KCNH7: variants seen among roughly 807,000 people sequenced by gnomAD.
KCNH7 encodes potassium voltage-gated channel subfamily H member 7.
In KCNH7, 49 loss-of-function variants were observed where a neutral mutation model predicts 120.8. The ratio of observed to expected loss-of-function variants is 0.41; its 90% CI spans 0.32 to 0.51. The LOEUF is 0.51. Among genes scored for constraint, KCNH7 ranks in the 20% least tolerant of loss-of-function variants. KCNH7 has a pLI of 0.38. For missense variants in KCNH7, 1,097 were observed against 1,446.6 expected (o/e 0.76, Z 3.92); for synonymous variants, 547 against 516.1 (o/e 1.06, Z -0.81).
At chr2:162,756,844 T>G (rs918344355) in intron 2 of KCNH7, among the ~76,000 whole-genome samples, 1 of 152,180 alleles carries the variant, frequency 6.6e-6, no homozygotes, top group Non-Finnish European at 1.5e-5. Flanking sequence ...AGGGTGTTTC[T>G]AAAGTGAGAT....
At position 162,633,855 on chromosome 2, in the gene KCNH7, G is replaced by A. The variant is rs192355459; in HGVS notation, c.308-96775C>T. 3.0e-3 allele frequency among the ~76,000 whole-genome samples: 461 copies of A among 151,776 alleles called. 1 individual carries two copies. Among genetic ancestry groups the A allele is most frequent in the African/African-American group, 0.011 (440 of 41,426 alleles). On this transcript the variant is annotated intron_variant, in intron 2 of 15. Coordinates refer to ENST00000332142, the MANE Select transcript of KCNH7 (RefSeq NM_033272.4). Reference sequence around the variant, plus strand: ...AAAAATTTCCTAGAAATTCTCCACAGGCCATTCAAAATAATTACCCTTCTC... The same window carrying A: ...AAAAATTTCCTAGAAATTCTCCACAAGCCATTCAAAATAATTACCCTTCTC...
intron 14 of KCNH7, 32 bp from the exon 15 acceptor site, chr2:162,373,694 T>C (rs1388672760): frequency 1.5e-6 from 2 of 1,365,648 alleles, no homozygotes; most frequent in Admixed American, 6.0e-5. Flanking sequence ...GAAAAGACAG[T>C]CTAAAATAGT....
chr2:162,425,968 C>T (rs1238321647), intron 8 of KCNH7, among the ~76,000 whole-genome samples: 1 of 152,020 alleles, frequency 6.6e-6, no homozygotes, highest in Non-Finnish European at 1.5e-5. Context: ...AATCCCAGCA[C>T]TTTGGGAGGC....
intron 10 of KCNH7, among the ~76,000 whole-genome samples, chr2:162,399,979 A>G (rs1687025406): frequency 6.6e-6 from 1 of 151,956 alleles, no homozygotes. Context: ...AAGCATTTAC[A>G]CTTCGGAGAA....
At chr2:162,479,570 A>G (rs1452985463) in intron 6 of KCNH7, among the ~76,000 whole-genome samples, 1 of 152,102 alleles carries the variant, frequency 6.6e-6, no homozygotes, top group African/African-American at 2.4e-5. Context: ...TGAAATTTAT[A>G]TGCATACTCA....
chr2:162,756,906 T>A (rs1688806303), intron 2 of KCNH7, among the ~76,000 whole-genome samples: 1 of 152,180 alleles, frequency 6.6e-6, no homozygotes, highest in African/African-American at 2.4e-5. Flanking sequence ...ATCCTTTAGC[T>A]AAATAATCAC....
chr2:162,753,103 AAAATCAAGAGGAAACCCT>A (rs1274722071), intron 2 of KCNH7, among the ~76,000 whole-genome samples: 2 of 151,460 alleles, frequency 1.3e-5, no homozygotes, highest in Non-Finnish European at 2.9e-5. Context: ...AAATAATTTA[AAAATCAAGAGGAAACCCT>A]AAATTTTAAA....
At chr2:162,692,978 A>C (rs1381783778) in intron 2 of KCNH7, among the ~76,000 whole-genome samples, 2 of 152,288 alleles carry the variant, frequency 1.3e-5, no homozygotes, top group East Asian at 3.9e-4. Context: ...GGAAAACTGC[A>C]TGGTCATTTA....
intron 12 of KCNH7, among the ~76,000 whole-genome samples, chr2:162,387,639 G>A (rs1686613687): frequency 6.6e-6 from 1 of 151,624 alleles, no homozygotes; most frequent in African/African-American, 2.4e-5. Context: ...TTCAGAAGAT[G>A]AAAAACTTTT....
At position 162,372,338 on chromosome 2, in the gene KCNH7, A is replaced by G. The variant is rs567243689; in HGVS notation, c.3325-243T>C. Among the ~76,000 whole-genome samples, 15 of 152,236 alleles carry G rather than the reference A, an allele frequency of 9.9e-5. No homozygotes were observed. The South Asian group carries it at 3.1e-3, about 32-fold the overall frequency. The stretch of plus-strand genomic sequence containing the variant: ...CCTGGAACCAGATTTTAAAAATCAG[A>G]TTTAAAAAAATATATATTATTTTAC... On this transcript the variant is annotated intron_variant, in intron 15 of 15. Transcript: ENST00000332142.
chr2:162,553,472 AC>A (rs1165467817), intron 2 of KCNH7, among the ~76,000 whole-genome samples: 3 of 152,042 alleles, frequency 2.0e-5, no homozygotes, highest in Non-Finnish European at 4.4e-5. Flanking sequence ...ACATGGTGAA[AC>A]CCCGTCTCTA....
At chr2:162,490,584 T>C (rs1050560585) in intron 6 of KCNH7, among the ~76,000 whole-genome samples, 4 of 152,088 alleles carry the variant, frequency 2.6e-5, no homozygotes, top group South Asian at 4.1e-4. Context: ...TTCTGAGACT[T>C]CTAGTCCTCA....
At chr2:162,703,617 TATAAG>T (rs1388928693) in intron 2 of KCNH7, among the ~76,000 whole-genome samples, 1 of 152,202 alleles carries the variant, frequency 6.6e-6, no homozygotes, top group Non-Finnish European at 1.5e-5. Flanking sequence ...TTAAACATTG[TATAAG>T]ATGTCTACTT....
At chr2:162,553,090 AT>A (rs1036294604) in intron 2 of KCNH7, among the ~76,000 whole-genome samples, 2 of 152,190 alleles carry the variant, frequency 1.3e-5, no homozygotes, top group African/African-American at 4.8e-5. Flanking sequence ...CTTATCTGAC[AT>A]TTTACAAAAG....
intron 6 of KCNH7, among the ~76,000 whole-genome samples, chr2:162,450,444 G>A (rs542316065): frequency 3.9e-5 from 6 of 152,054 alleles, no homozygotes; most frequent in South Asian, 2.1e-4. Context: ...TTATGTGACC[G>A]TTTAATTGTC....
intron 14 of KCNH7, among the ~76,000 whole-genome samples, chr2:162,376,113 G>T (rs1186411406): frequency 1.3e-5 from 2 of 151,970 alleles, no homozygotes; most frequent in East Asian, 3.9e-4. Context: ...AATGTAGCAG[G>T]CACAATGTTA....
chr2:162,419,157 A>G (rs928272952), intron 9 of KCNH7, among the ~76,000 whole-genome samples: 6 of 151,614 alleles, frequency 4.0e-5, no homozygotes, highest in African/African-American at 1.5e-4. Context: ...CCTGTCTTTA[A>G]GAAAAACTTA....
chr2:162,832,049 G>C (rs1685496255), intron 2 of KCNH7, among the ~76,000 whole-genome samples: 1 of 152,098 alleles, frequency 6.6e-6, no homozygotes, highest in Admixed American at 6.6e-5. Context: ...AACATTCAAA[G>C]TCCATGAGAT....
At chr2:162,591,873 C>CT (rs1276573833) in intron 2 of KCNH7, among the ~76,000 whole-genome samples, 1 of 152,072 alleles carries the variant, frequency 6.6e-6, no homozygotes. Context: ...ACTTCCTTTT[C>CT]TTCCTCTCGG....
Sources: allele counts gnomAD v4.1 joint callset (sites outside exome capture counted in the v4.1 genomes callset), GRCh38; gene constraint gnomAD v4.1.1; transcripts MANE v1.5; gene names NCBI Gene and HGNC (gene_info 2026-07-23, HGNC 2026-07-21).